Variants in DNAH17 observed in about 807,000 individuals in gnomAD.
The protein encoded by DNAH17 is dynein axonemal heavy chain 17, also known as axonemal beta dynein heavy chain 17.
In DNAH17, 376 loss-of-function variants were observed where a neutral mutation model predicts 485.6. That is an observed-to-expected ratio of 0.77 (90% CI 0.71 to 0.84). The LOEUF (loss-of-function observed/expected upper bound fraction) is 0.84. Ranked by LOEUF, DNAH17 falls within the 40% of genes least tolerant of loss-of-function variation. The probability of loss-of-function intolerance (pLI) is 0.00; values close to 1 mark genes in which losing one functional copy is unlikely to be tolerated. For missense variants in DNAH17, 6,370 were observed against 5,839.3 expected, an observed-to-expected ratio of 1.09 and a Z score of -2.96; for synonymous variants, 3,031 against 2,405.9, an observed-to-expected ratio of 1.26 and a Z score of -7.60.
At chr17:78,564,893 A>C (rs2143680859) in intron 11 of DNAH17, among the ~76,000 whole-genome samples, 1 of 152,008 alleles carries the variant, frequency 6.6e-6, no homozygotes, top group African/African-American at 2.4e-5. Flanking sequence ...GAAGGAAGTG[A>C]GGACCCTGCA....
intron 54 of DNAH17, among the ~76,000 whole-genome samples, chr17:78,474,046 C>G (rs1231975522): frequency 6.6e-6 from 1 of 152,344 alleles, no homozygotes; most frequent in East Asian, 1.9e-4. Context: ...CAGAGAACAG[C>G]CAGCCAGAAA....
chr17:78,540,211 A>C (rs762077003), intron 17 of DNAH17, among the ~76,000 whole-genome samples: 7 of 56,216 alleles, frequency 1.2e-4, no homozygotes, highest in South Asian at 1.1e-3. Flanking sequence ...GAATTATTTT[A>C]TTTGTCTTTG....
chr17:78,536,267 G>A (rs1397118819), intron 19 of DNAH17, among the ~76,000 whole-genome samples: 7 of 151,830 alleles, frequency 4.6e-5, no homozygotes, highest in African/African-American at 7.3e-5. Context: ...GTGAAACCCC[G>A]TCTCTACTAA....
intron 2 of DNAH17, among the ~76,000 whole-genome samples, chr17:78,573,323 G>A (rs940725103): frequency 6.6e-6 from 1 of 152,138 alleles, no homozygotes; most frequent in Admixed American, 6.5e-5. Flanking sequence ...AAGGGCTGGG[G>A]GCGGTAGCTC....
At chr17:78,437,323 T>G (rs1046634237) in intron 74 of DNAH17, among the ~76,000 whole-genome samples, 1 of 152,200 alleles carries the variant, frequency 6.6e-6, no homozygotes, top group African/African-American at 2.4e-5. Flanking sequence ...AGTCATGACG[T>G]GTTCCATGCT....
At chr17:78,506,327 C>T (rs2090484671) in intron 30 of DNAH17, among the ~76,000 whole-genome samples, 1 of 151,740 alleles carries the variant, frequency 6.6e-6, no homozygotes, top group Non-Finnish European at 1.5e-5. Context: ...TTTAGAATAG[C>T]CCCAAGGAGG....
At chr17:78,567,819 C>T (rs1019972881) in intron 9 of DNAH17, among the ~76,000 whole-genome samples, 1 of 152,168 alleles carries the variant, frequency 6.6e-6, no homozygotes, top group Non-Finnish European at 1.5e-5. Flanking sequence ...AGGCCCATCC[C>T]GTTAGCTGGT....
intron 58 of DNAH17, 102 bp from the exon 59 acceptor site, chr17:78,460,359 T>TGTGTGCATAC: frequency 1.0e-6 from 1 of 997,532 alleles, no homozygotes; most frequent in Non-Finnish European, 1.5e-6. Context: ...TGTGTGCATG[T>TGTGTGCATAC]ATGCACGTGC....
intron 22 of DNAH17, among the ~76,000 whole-genome samples, chr17:78,527,913 G>A (rs1004474393): frequency 6.6e-6 from 1 of 152,048 alleles, no homozygotes; most frequent in African/African-American, 2.4e-5. Context: ...CGAGCAGCTA[G>A]GATTACAGGC....
At chr17:78,485,056 T>C in intron 47 of DNAH17, 23 bp from the exon 48 acceptor site, 1 of 1,576,042 alleles carries the variant, frequency 6.3e-7, no homozygotes. Context: ...GAGGGTCAGC[T>C]GCCCGCCTGC....
Position 78,424,121 on chromosome 17 carries a change from C to A in DNAH17, c.13174G>T (p.Ala4392Ser), listed in dbSNP as rs369633444. The A allele has an allele frequency of 6.2e-7, 1 of 1,613,332 alleles. No individual in the cohort carries two copies. The highest frequency in any genetic ancestry group is 1.1e-5 in the South Asian group (1 of 91,074). The change falls in exon 81 of 81, where the codon GCT (alanine) becomes TCT (serine). Residue 4392 changes from alanine (A) to serine (S), a missense_variant. By Grantham distance (99) the Ala-to-Ser change is moderately conservative. Transcript: ENST00000389840. ...GTCAGCTCTTTCAGCCGCGCTTCAG[C>A]GATGACTCCAGTCTGGGTGTCCCAG... ...ARWDTQTGVIAEARLKELTPA... is the reference protein window; with the variant it reads ...ARWDTQTGVISEARLKELTPA...
At position 78,466,693 on chromosome 17, in the gene DNAH17, C is replaced by T. The variant is rs372033074; in HGVS notation, c.8902G>A (p.Val2968Ile). 2.3e-5 allele frequency: 37 copies of T among 1,612,110 alleles called. No individual in the cohort carries two copies. The highest frequency in any genetic ancestry group is 5.3e-5 in the African/African-American group (4 of 74,772). The change falls in exon 56 of 81, where the codon GTC (valine) becomes ATC (isoleucine). Residue 2968 changes from valine (V) to isoleucine (I), a missense_variant. Physicochemically the swap from Val to Ile is conservative, Grantham distance 29 (BLOSUM62 3). Coordinates refer to ENST00000389840, the MANE Select transcript of DNAH17 (RefSeq NM_173628.4). ...GTCTCCTCCAGGAAGCGGGCGCTGACGGACACCAGCGCATCTTCCGGCCAC... is the reference window on the plus strand; with the variant it reads ...GTCTCCTCCAGGAAGCGGGCGCTGATGGACACCAGCGCATCTTCCGGCCAC... ...HEWPEDALVS[V>I]SARFLEETEG...
At chr17:78,491,812 G>C (rs1196694881) in intron 42 of DNAH17, among the ~76,000 whole-genome samples, 1 of 152,204 alleles carries the variant, frequency 6.6e-6, no homozygotes, top group South Asian at 2.1e-4. Flanking sequence ...CACCCTCCCT[G>C]TCAGCCCCTC....
chr17:78,485,484 G>C, intron 47 of DNAH17, 66 bp downstream of exon 47: 1 of 1,464,636 alleles, frequency 6.8e-7, no homozygotes, highest in Non-Finnish European at 9.3e-7. Context: ...AGTGAGAGGG[G>C]ACAGGAGGGA....
chr17:78,532,389 A>G, intron 20 of DNAH17, 93 bp downstream of exon 20: 4 of 1,463,438 alleles, frequency 2.7e-6, no homozygotes, highest in Non-Finnish European at 2.7e-6. Flanking sequence ...CCTGCATCTT[A>G]AAACAATTCA....
At chr17:78,462,798 C>A in intron 57 of DNAH17, 46 bp downstream of exon 57, 1 of 1,597,072 alleles carries the variant, frequency 6.3e-7, no homozygotes, top group Non-Finnish European at 8.6e-7. Context: ...CCTGCGAGGC[C>A]TCCAGGGAAC....
chr17:78,472,442 C>G (rs1321819840), intron 54 of DNAH17, among the ~76,000 whole-genome samples: 1 of 152,178 alleles, frequency 6.6e-6, no homozygotes, highest in Non-Finnish European at 1.5e-5. Context: ...ATGGCTGCTT[C>G]TCACCCCTTC....
In DNAH17 at chr17:78,455,573, C is replaced by T. The variant is rs547074340; in HGVS notation, c.10170+71G>A. The T allele has an allele frequency of 5.5e-5, 68 of 1,229,236 alleles. No individual in the cohort carries two copies. The East Asian group carries it at 1.2e-3, about 22-fold the overall frequency. The allele number at this position is 1,229,236 out of a possible 1,614,324, so 76.1% of individuals were successfully genotyped here. On this transcript the variant is annotated intron_variant, in intron 63 of 80. Coordinates refer to ENST00000389840, the MANE Select transcript of DNAH17 (RefSeq NM_173628.4). ...AACTCCTGGCCTCAAGTAATCCGCC[C>T]GCCTCGGCCTCCCAAAGTGCTGGCA...
chr17:78,449,263 T>C, intron 69 of DNAH17, 151 bp downstream of exon 69: 1 of 731,820 alleles, frequency 1.4e-6, no homozygotes, highest in Non-Finnish European at 2.2e-6. Context: ...ATCTCAGACT[T>C]TATAATCACC....
Sources: gnomAD v4.1 joint callset for allele counts (sites outside exome capture counted in the v4.1 genomes callset) on GRCh38, gnomAD v4.1.1 for gene constraint, MANE v1.5 for transcripts, NCBI Gene and HGNC (gene_info 2026-07-23, HGNC 2026-07-21) for gene names.